VWC2: variants seen among roughly 807,000 people sequenced by gnomAD.
The protein encoded by VWC2 is brorin.
VWC2 carries 14 observed loss-of-function variants against 29.8 expected under a neutral mutation model. That is an observed-to-expected ratio of 0.47 (90% CI 0.31 to 0.74). VWC2 has a LOEUF of 0.74. VWC2 is among the 30% of genes least tolerant of loss of function. The pLI is 0.05. For synonymous variants in VWC2, 213 were observed against 199.0 expected (o/e 1.07, Z -0.59); for missense variants, 457 against 459.8 (o/e 0.99, Z 0.05).
At chr7:49,887,634 A>G (rs984582542) in intron 3 of VWC2, among the ~76,000 whole-genome samples, 3 of 152,224 alleles carry the variant, frequency 2.0e-5, no homozygotes, top group African/African-American at 7.2e-5. Context: ...AGGATTCAAC[A>G]CAACTTATGG....
At position 49,775,406 on chromosome 7, in the gene VWC2, G is replaced by GC; in HGVS notation, c.-27dup. 3.1e-5 allele frequency: 24 copies of GC among 783,830 alleles called. No homozygotes were observed. The highest frequency in any genetic ancestry group is 3.8e-5 in the South Asian group (1 of 26,430). The allele number at this position is 783,830 out of a possible 1,614,324, so 48.6% of individuals were successfully genotyped here. On this transcript the variant is annotated 5_prime_UTR_variant, in exon 2 of 4. The change abolishes the stop of an existing upstream ORF in the 5' untranslated region. Transcript: ENST00000340652. ...GACTCGCCCCTCGGCCGCGCTCCCC[G>GC]CCCGCCCGCCCGCCGGGACGTGGTA...
rs968264639 is a variant in VWC2, at chr7:49,921,321, T to A, written c.*9136T>A. 6.6e-6 allele frequency: 1 copy of A among 152,218 alleles called. No individual in the cohort carries two copies. Among genetic ancestry groups the A allele is most frequent in the Non-Finnish European group, 1.5e-5 (1 of 68,050 alleles). The allele number at this position is 152,218 out of a possible 1,614,324, so 9.4% of individuals were successfully genotyped here. A position where few individuals can be genotyped will look rare whatever the true frequency, so the allele number is the denominator to read the frequency against. Reference sequence around the variant, plus strand: ...TTGTTCCCATCCCTGGCCTGAGCCTTACTCCATAGCTATAGAGACATAGTC... The same window carrying A: ...TTGTTCCCATCCCTGGCCTGAGCCTAACTCCATAGCTATAGAGACATAGTC... On this transcript the variant is annotated 3_prime_UTR_variant, in exon 4 of 4. Coordinates refer to ENST00000340652, the MANE Select transcript of VWC2 (RefSeq NM_198570.5).
intron 3 of VWC2, among the ~76,000 whole-genome samples, chr7:49,866,671 A>C (rs183975720): frequency 3.3e-5 from 5 of 152,282 alleles, no homozygotes; most frequent in Admixed American, 3.3e-4. Context: ...CAGGTGCCTC[A>C]TTTGCAGGAT....
intron 3 of VWC2, among the ~76,000 whole-genome samples, chr7:49,910,208 G>A (rs554888394): frequency 6.6e-6 from 1 of 152,270 alleles, no homozygotes; most frequent in African/African-American, 2.4e-5. Flanking sequence ...ATCCAGAAGC[G>A]GGGGCCCTCC....
chr7:49,841,249 C>T (rs1789786648), intron 3 of VWC2, among the ~76,000 whole-genome samples: 1 of 151,778 alleles, frequency 6.6e-6, no homozygotes, highest in Non-Finnish European at 1.5e-5. Context: ...TCCACTTAGG[C>T]TTGTGGCCAT....
chr7:49,870,161 G>A (rs531265099), intron 3 of VWC2, among the ~76,000 whole-genome samples: 1 of 152,304 alleles, frequency 6.6e-6, no homozygotes, highest in East Asian at 1.9e-4. Flanking sequence ...AGCACTTTGG[G>A]AGACCGAGGT....
intron 3 of VWC2, among the ~76,000 whole-genome samples, chr7:49,844,942 C>CA (rs1789888325): frequency 6.6e-6 from 1 of 152,196 alleles, no homozygotes; most frequent in African/African-American, 2.4e-5. Flanking sequence ...CTTGGCCTCC[C>CA]AAAGTGCTGG....
At chr7:49,873,906 T>A (rs1791284507) in intron 3 of VWC2, among the ~76,000 whole-genome samples, 1 of 146,454 alleles carries the variant, frequency 6.8e-6, no homozygotes, top group African/African-American at 2.5e-5. Context: ...TATAATTAAG[T>A]AAAAAAAAAA....
chr7:49,797,427 A>G (rs2128704946), intron 2 of VWC2, among the ~76,000 whole-genome samples: 1 of 152,368 alleles, frequency 6.6e-6, no homozygotes, highest in African/African-American at 2.4e-5. Context: ...ATTCACAAAC[A>G]TAATTATTCT....
chr7:49,835,775 G>T (rs1789642392), intron 3 of VWC2, among the ~76,000 whole-genome samples: 1 of 152,204 alleles, frequency 6.6e-6, no homozygotes, highest in South Asian at 2.1e-4. Context: ...ATGTATGATT[G>T]ATGGATTGAC....
At chr7:49,876,870 G>A (rs946273443) in intron 3 of VWC2, among the ~76,000 whole-genome samples, 12 of 151,892 alleles carry the variant, frequency 7.9e-5, no homozygotes, top group African/African-American at 2.4e-4. Flanking sequence ...ACAACGCACC[G>A]AGATGACTTA....
At chr7:49,828,744 T>A (rs1031603171) in intron 3 of VWC2, among the ~76,000 whole-genome samples, 1 of 152,146 alleles carries the variant, frequency 6.6e-6, no homozygotes, top group African/African-American at 2.4e-5. Context: ...TGAGAGGTAG[T>A]AAACAACTTG....
At position 49,817,853 on chromosome 7, in the gene VWC2, T is replaced by C. The variant is rs763821196; in HGVS notation, c.826+15013T>C. Among the ~76,000 whole-genome samples the C allele has an allele frequency of 2.5e-4, 38 of 152,198 alleles. 1 individual carries two copies. Among genetic ancestry groups the C allele is most frequent in the Non-Finnish European group, 4.4e-4 (30 of 68,026 alleles). Reference sequence around the variant, plus strand: ...GCCATCATGGAGTAAAGCATTATCATATAGGGGGAAAAACATTGCCAATTC... The same window carrying C: ...GCCATCATGGAGTAAAGCATTATCACATAGGGGGAAAAACATTGCCAATTC... On this transcript the variant is annotated intron_variant, in intron 3 of 3. Coordinates refer to ENST00000340652, the MANE Select transcript of VWC2 (RefSeq NM_198570.5).
Position 49,775,707 on chromosome 7 carries a change from G to A in VWC2, c.272G>A (p.Ser91Asn). 6.6e-7 allele frequency: 1 copy of A among 1,522,748 alleles called. No homozygotes were observed. 94.3% of individuals were successfully genotyped at this position (1,522,748 alleles called of 1,614,324 possible). The part of the protein sequence containing the change: ...GRGLAGREPW[S>N]KLKQAWVSQG... ...GGGCTCGCCGGCCGTGAGCCGTGGA[G>A]CAAGCTGAAGCAGGCCTGGGTCTCC... The change falls in exon 2 of 4, where the codon AGC becomes AAC. Residue 91 changes from serine (S) to asparagine (N), a missense_variant. Around this residue, in one of 2 missense-constraint regions of VWC2, gnomAD observed 272 missense variants for 202.7 expected, o/e 1.34. Coordinates refer to ENST00000340652, the MANE Select transcript of VWC2 (RefSeq NM_198570.5).
intron 3 of VWC2, among the ~76,000 whole-genome samples, chr7:49,828,238 TA>T (rs1789448553): frequency 6.6e-6 from 1 of 152,182 alleles, no homozygotes; most frequent in Non-Finnish European, 1.5e-5. Flanking sequence ...GTTGTACAAA[TA>T]AACCACAATT....
At chr7:49,832,436 G>A (rs1268969336) in intron 3 of VWC2, among the ~76,000 whole-genome samples, 1 of 152,008 alleles carries the variant, frequency 6.6e-6, no homozygotes, top group Non-Finnish European at 1.5e-5. Flanking sequence ...AATAGAATGA[G>A]GTTCCTATGA....
chr7:49,824,247 C>A (rs1241342949), intron 3 of VWC2, among the ~76,000 whole-genome samples: 1 of 152,082 alleles, frequency 6.6e-6, no homozygotes, highest in Non-Finnish European at 1.5e-5. Context: ...GATTTATTTT[C>A]TGGGTACATG....
At chr7:49,838,003 G>A (rs558320847) in intron 3 of VWC2, among the ~76,000 whole-genome samples, 1 of 152,296 alleles carries the variant, frequency 6.6e-6, no homozygotes, top group Non-Finnish European at 1.5e-5. Flanking sequence ...AGTGTCACAT[G>A]CAGCTCACTG....
chr7:49,847,593 A>C (rs1209402150), intron 3 of VWC2, among the ~76,000 whole-genome samples: 1 of 152,372 alleles, frequency 6.6e-6, no homozygotes, highest in East Asian at 1.9e-4. Context: ...ATATCCCAAG[A>C]GAAGAGGGTG....
Sources: gnomAD v4.1 joint callset for allele counts (sites outside exome capture counted in the v4.1 genomes callset) on GRCh38, gnomAD v4.1.1 for gene constraint, gnomAD v4.1.1 regional missense constraint, MANE v1.5 for transcripts, NCBI Gene and HGNC (gene_info 2026-07-23, HGNC 2026-07-21) for gene names.